The following VAT1L variants were observed in gnomAD, a reference collection of about 807,000 sequenced individuals.
VAT1L encodes the protein putative NADPH-dependent quinone oxidoreductase VAT1L.
A neutral mutation model predicts 44.1 loss-of-function variants in VAT1L; 34 were observed. That is an observed-to-expected ratio of 0.77 (90% CI 0.59 to 1.03). VAT1L has a LOEUF of 1.03. Ranked by LOEUF, VAT1L falls within the 50% of genes least tolerant of loss-of-function variation. The probability of loss-of-function intolerance (pLI) is 0.00; values close to 1 mark genes in which losing one functional copy is unlikely to be tolerated. For synonymous variants in VAT1L, 253 were observed against 202.2 expected, an observed-to-expected ratio of 1.25 and a Z score of -2.13; for missense variants, 615 against 538.8, an observed-to-expected ratio of 1.14 and a Z score of -1.40.
chr16:77,968,917 C>T (rs2018251243), intron 7 of VAT1L, among the ~76,000 whole-genome samples: 1 of 152,074 alleles, frequency 6.6e-6, no homozygotes, highest in South Asian at 2.1e-4. Flanking sequence ...CTCCCGGGTT[C>T]AAGCAATTCT....
chr16:77,905,380 G>A (rs771903933), intron 7 of VAT1L, among the ~76,000 whole-genome samples: 1 of 152,070 alleles, frequency 6.6e-6, no homozygotes, highest in African/African-American at 2.4e-5. Flanking sequence ...TCTGTTTGCC[G>A]AGATTCCAAC....
chr16:77,817,459 C>T (rs536391425), intron 2 of VAT1L, among the ~76,000 whole-genome samples: 1 of 152,304 alleles, frequency 6.6e-6, no homozygotes, highest in Admixed American at 6.5e-5. Flanking sequence ...TATAACCTGG[C>T]TCCCTCAAAT....
chr16:77,977,794 G>A lies in VAT1L; in HGVS notation c.*99G>A. On this transcript the variant is annotated 3_prime_UTR_variant, in exon 9 of 9. Coordinates refer to ENST00000302536, the MANE Select transcript of VAT1L (RefSeq NM_020927.3). ...CCCAGTGAACAAATGCTGTAGTCCA[G>A]TGCGTGTCGTGTTTGTCTGCAGTCA... 8.6e-7 allele frequency: 1 copy of A among 1,167,856 alleles called. No homozygotes were observed. Among genetic ancestry groups the A allele is most frequent in the African/African-American group, 1.5e-5 (1 of 64,878 alleles). The allele number at this position is 1,167,856 out of a possible 1,614,324, so 72.3% of individuals were successfully genotyped here.
At chr16:77,835,955 G>C (rs1005434288) in intron 3 of VAT1L, among the ~76,000 whole-genome samples, 1 of 152,094 alleles carries the variant, frequency 6.6e-6, no homozygotes, top group African/African-American at 2.4e-5. Context: ...AGAGAACAGA[G>C]TATGAGCTCT....
At chr16:77,899,900 T>A (rs1486235716) in intron 7 of VAT1L, among the ~76,000 whole-genome samples, 2 of 152,236 alleles carry the variant, frequency 1.3e-5, no homozygotes, top group African/African-American at 4.8e-5. Flanking sequence ...CCCAAATGGC[T>A]ACAAATTACC....
chr16:77,789,932 G>A (rs571958589), intron 1 of VAT1L, among the ~76,000 whole-genome samples: 2 of 152,164 alleles, frequency 1.3e-5, no homozygotes, highest in Non-Finnish European at 2.9e-5. Flanking sequence ...AGGTTTGCAT[G>A]TTAAACTTGT....
intron 7 of VAT1L, among the ~76,000 whole-genome samples, chr16:77,900,761 A>T (rs1378415778): frequency 1.3e-5 from 2 of 151,854 alleles, no homozygotes; most frequent in Non-Finnish European, 2.9e-5. Flanking sequence ...ACCCTAAACA[A>T]AACCATTGTT....
chr16:77,962,616 C>A (rs1057142456), intron 7 of VAT1L, among the ~76,000 whole-genome samples: 3 of 152,000 alleles, frequency 2.0e-5, no homozygotes, highest in African/African-American at 7.2e-5. Flanking sequence ...GGAGCAGTGG[C>A]TCATGCCTGT....
chr16:77,954,747 G>C (rs1281771048), intron 7 of VAT1L, among the ~76,000 whole-genome samples: 1 of 152,200 alleles, frequency 6.6e-6, no homozygotes, highest in Non-Finnish European at 1.5e-5. Flanking sequence ...TCTCACAGTA[G>C]GCAGTCAATA....
At chr16:77,871,436 C>T (rs1230616476) in intron 4 of VAT1L, among the ~76,000 whole-genome samples, 5 of 152,178 alleles carry the variant, frequency 3.3e-5, no homozygotes, top group Non-Finnish European at 7.3e-5. Flanking sequence ...AAGCACCCCC[C>T]AGCTTTTCTC....
chr16:77,897,375 A>G (rs1235669775), intron 7 of VAT1L, among the ~76,000 whole-genome samples: 1 of 152,176 alleles, frequency 6.6e-6, no homozygotes, highest in African/African-American at 2.4e-5. Context: ...ACTCTTGTAC[A>G]CTGTAAACCA....
intron 4 of VAT1L, among the ~76,000 whole-genome samples, chr16:77,863,114 T>C (rs1264186718): frequency 1.3e-5 from 2 of 152,224 alleles, no homozygotes; most frequent in African/African-American, 4.8e-5. Flanking sequence ...GGAAAGTTAA[T>C]GTATTAAAGT....
At chr16:77,869,292 GACA>G (rs963243287) in intron 4 of VAT1L, among the ~76,000 whole-genome samples, 2 of 152,178 alleles carry the variant, frequency 1.3e-5, no homozygotes, top group African/African-American at 4.8e-5. Flanking sequence ...ACTTCCTTTA[GACA>G]AGATAAATAC....
chr16:77,812,842 AG>A (rs1268412403), intron 1 of VAT1L, among the ~76,000 whole-genome samples: 4 of 152,178 alleles, frequency 2.6e-5, no homozygotes, highest in Admixed American at 2.0e-4. Flanking sequence ...CTTTAAACCT[AG>A]CCTCTGACTA....
chr16:77,844,653 G>C (rs192866099), intron 3 of VAT1L, among the ~76,000 whole-genome samples: 144 of 152,110 alleles, frequency 9.5e-4, no homozygotes, highest in Admixed American at 1.6e-3. Flanking sequence ...AGGTGATCCA[G>C]CCGTCTTAGC....
chr16:77,793,366 G>A (rs1199626507), intron 1 of VAT1L, among the ~76,000 whole-genome samples: 1 of 152,110 alleles, frequency 6.6e-6, no homozygotes, highest in African/African-American at 2.4e-5. Flanking sequence ...AAAGCAGAAG[G>A]GGCACTATTT....
chr16:77,914,427 C>T (rs2017530392), intron 7 of VAT1L, among the ~76,000 whole-genome samples: 1 of 152,262 alleles, frequency 6.6e-6, no homozygotes, highest in African/African-American at 2.4e-5. Context: ...TGAAAATCAG[C>T]CATGGTGTGA....
At chr16:77,969,484 G>A (rs1440492776) in intron 7 of VAT1L, among the ~76,000 whole-genome samples, 1 of 152,052 alleles carries the variant, frequency 6.6e-6, no homozygotes, top group Non-Finnish European at 1.5e-5. Context: ...CTCATTGACT[G>A]TCGGCTGGGG....
chr16:77,925,820 A>T (rs994874107), intron 7 of VAT1L, among the ~76,000 whole-genome samples: 1 of 150,694 alleles, frequency 6.6e-6, no homozygotes, highest in East Asian at 2.0e-4. Context: ...AGCCAGAAGC[A>T]GCATCTTCCT....
Sources: allele counts gnomAD v4.1 joint callset (sites outside exome capture counted in the v4.1 genomes callset), GRCh38; gene constraint gnomAD v4.1.1; transcripts MANE v1.5; gene names NCBI Gene and HGNC (gene_info 2026-07-23, HGNC 2026-07-21).